Variants in UMPS observed in about 807,000 individuals in gnomAD.
UMPS encodes the protein uridine monophosphate synthetase, also known as uridine 5'-monophosphate synthase.
In UMPS, 21 loss-of-function variants were observed where a neutral mutation model predicts 38.9. The ratio of observed to expected loss-of-function variants is 0.54; its 90% CI spans 0.38 to 0.78. The LOEUF is 0.78. Ranked by LOEUF, UMPS falls within the 30% of genes least tolerant of loss-of-function variation. The pLI, the probability that UMPS is intolerant of heterozygous loss-of-function variation, is 0.00. For synonymous variants in UMPS, 208 were observed against 219.3 expected, an observed-to-expected ratio of 0.95 and a Z score of 0.45; for missense variants, 533 against 591.6, an observed-to-expected ratio of 0.90 and a Z score of 1.03.
rs760163155 is a variant in UMPS at position 124,748,057 on chromosome 3, A to G, written c.*3973A>G. On this transcript the variant is annotated 3_prime_UTR_variant, in exon 6 of 6. Transcript: ENST00000232607. The stretch of plus-strand genomic sequence containing the variant: ...AGAAAAATCAGGACTTGTTGGAGTT[A>G]TATTTTTAAAATATATATTTTAACA... The G allele has an allele frequency of 7.3e-6, 3 of 408,572 alleles. No homozygotes were observed. The highest frequency in any genetic ancestry group is 5.8e-5 in the South Asian group (3 of 52,144). 25.3% of individuals were successfully genotyped at this position (408,572 alleles called of 1,614,324 possible). A position where few individuals can be genotyped will look rare whatever the true frequency, so the allele number is the denominator to read the frequency against.
At position 124,737,815 on chromosome 3, in the gene UMPS, G is replaced by C; in HGVS notation, c.558G>C (p.Gln186His). 2 of 1,614,192 alleles carry C rather than the reference G, an allele frequency of 1.2e-6. No homozygotes were observed. Residue 186 changes from glutamine to histidine, a missense_variant, in exon 3 of 6, where the codon CAG (glutamine) becomes CAC (histidine). Coordinates refer to ENST00000232607, the MANE Select transcript of UMPS (RefSeq NM_000373.4). The part of the protein sequence containing the change: ...LSKMLEILEQ[Q>H]KKVDAETVGR... ...AAATGCTGGAGATTCTCGAGCAGCA[G>C]AAAAAAGTTGATGCTGAGACAGTTG...
chr3:124,738,487 T>G (rs530774972), intron 3 of UMPS: 3 of 479,658 alleles, frequency 6.3e-6, no homozygotes, highest in South Asian at 4.3e-5. Context: ...TCACTCTAGC[T>G]TGGGATGTAG....
intron 4 of UMPS, 21 bp downstream of exon 4, chr3:124,740,220 G>C (rs766566377): frequency 6.3e-7 from 1 of 1,594,166 alleles, no homozygotes; most frequent in South Asian, 1.1e-5. Flanking sequence ...GGGGGACTGG[G>C]TGAGAGGGGG....
rs541748073 is a variant in UMPS at position 124,735,131 on chromosome 3, C to T, written c.195C>T (p.Gly65=). Residue 65 remains glycine, a synonymous_variant, in exon 2 of 6, where the codon GGC becomes GGT. Coordinates refer to ENST00000232607, the MANE Select transcript of UMPS (RefSeq NM_000373.4). ...DILFQTAQNA[G]ISFDTVCGVP... is the part of the protein sequence containing the mutation. Reference sequence around the variant, plus strand: ...TATTCCAAACTGCCCAAAATGCAGGCATCAGTTTTGACACCGTGTGTGGAG... The same window carrying T: ...TATTCCAAACTGCCCAAAATGCAGGTATCAGTTTTGACACCGTGTGTGGAG... 5.0e-6 allele frequency: 8 copies of T among 1,613,880 alleles called. No homozygotes were observed. The highest frequency in any genetic ancestry group is 6.8e-6 in the Non-Finnish European group (8 of 1,179,918).
At chr3:124,731,761 G>A (rs2063479514) in intron 1 of UMPS, among the ~76,000 whole-genome samples, 1 of 152,008 alleles carries the variant, frequency 6.6e-6, no homozygotes, top group Non-Finnish European at 1.5e-5. Flanking sequence ...GCTGGGCATG[G>A]TGGTGCACAC....
chr3:124,731,621 A>G, intron 1 of UMPS: 1 of 262,704 alleles, frequency 3.8e-6, no homozygotes, highest in East Asian at 1.2e-4. Context: ...ACAGGGGCTC[A>G]TGCCTGTAGT....
chr3:124,741,159 C>G (rs991325225), intron 4 of UMPS, among the ~76,000 whole-genome samples: 1 of 152,164 alleles, frequency 6.6e-6, no homozygotes, highest in Non-Finnish European at 1.5e-5. Context: ...TCCCAAGTCT[C>G]AAAATCACAG....
chr3:124,735,712 C>A lies in UMPS; in HGVS notation c.310+466C>A, dbSNP rs563088546. Among the ~76,000 whole-genome samples, 3 of 152,340 alleles carry A rather than the reference C, an allele frequency of 2.0e-5. No individual in the cohort carries two copies. In the East Asian group the frequency reaches 5.8e-4, roughly 29 times the overall value. ...GAAAATTTGTCCAGGCACCATGGCT[C>A]ACGCCTGTAATCCCAGCACTTTTGG... On this transcript the variant is annotated intron_variant, in intron 2 of 5. Transcript: ENST00000232607.
At chr3:124,740,369 T>C (rs1365358841) in intron 4 of UMPS, among the ~76,000 whole-genome samples, 170 bp downstream of exon 4, 1 of 152,226 alleles carries the variant, frequency 6.6e-6, no homozygotes, top group African/African-American at 2.4e-5. Context: ...TGATAGTTAA[T>C]AGCATTTTAT....
Position 124,732,732 on chromosome 3 carries a change from TA to T in UMPS, c.156+2107del, listed in dbSNP as rs367964828. ...GACATATAAGTTTCCTCAGCCCACT[TA>T]AGGGTTTATGTTCACTAGGGACCAC... is the stretch of plus-strand genomic sequence containing the variant. On this transcript the variant is annotated intron_variant, in intron 1 of 5. Transcript: ENST00000232607. Among the ~76,000 whole-genome samples, 10 of 152,316 alleles carry T rather than the reference TA, an allele frequency of 6.6e-5. No individual in the cohort carries two copies. The East Asian group carries it at 1.9e-3, about 29-fold the overall frequency.
At chr3:124,737,317 T>G in intron 2 of UMPS, 1 of 460,140 alleles carries the variant, frequency 2.2e-6, no homozygotes. Context: ...TTAAGCAGTG[T>G]TTATAATGTG....
At chr3:124,731,345 AC>A (rs2063475024) in intron 1 of UMPS, among the ~76,000 whole-genome samples, 1 of 152,236 alleles carries the variant, frequency 6.6e-6, no homozygotes, top group Non-Finnish European at 1.5e-5. Flanking sequence ...AGAGACTTCA[AC>A]CATACTCCCC....
chr3:124,744,555 T>C lies in UMPS; in HGVS notation c.*471T>C. ...TCCAGATTAGCTGGTGCTATAGGCA[T>C]GCACCACCACGTCCATCTAAATTTC... On this transcript the variant is annotated 3_prime_UTR_variant, in exon 6 of 6. Coordinates refer to ENST00000232607, the MANE Select transcript of UMPS (RefSeq NM_000373.4). 2.2e-6 allele frequency: 1 copy of C among 454,042 alleles called. No homozygotes were observed. The highest frequency in any genetic ancestry group is 1.6e-5 in the South Asian group (1 of 64,466). 28.1% of individuals were successfully genotyped at this position (454,042 alleles called of 1,614,324 possible).
In UMPS at chr3:124,738,155, ACT is replaced by A. The variant is rs992867962; in HGVS notation, c.901_902del (p.Leu301GlyfsTer5). ...FTLDVMKELI[T>X]LAKCHEFLIF... ...TCTGGATGTGATGAAGGAGTTGATA[ACT>A]CTGGCAAAATGCCATGAGTTCTTGA... On this transcript the variant is annotated frameshift_variant, in exon 3 of 6. Transcript: ENST00000232607. LOFTEE classifies it high-confidence loss of function. The A allele has an allele frequency of 3.7e-6, 6 of 1,614,200 alleles. No homozygotes were observed. Among genetic ancestry groups the A allele is most frequent in the Non-Finnish European group, 5.1e-6 (6 of 1,180,044 alleles).
intron 1 of UMPS, chr3:124,732,448 T>G (rs1184536528): frequency 1.9e-5 from 3 of 154,838 alleles, no homozygotes; most frequent in African/African-American, 2.4e-5. Flanking sequence ...GGGAATTTTG[T>G]TAAAATGCAG....
intron 2 of UMPS, 112 bp from the exon 3 acceptor site, chr3:124,737,456 A>G: frequency 1.0e-6 from 1 of 979,366 alleles, no homozygotes; most frequent in Non-Finnish European, 1.6e-6. Context: ...ATTGGTATAC[A>G]CATATACTGT....
chr3:124,741,273 A>T (rs935551793), intron 4 of UMPS, among the ~76,000 whole-genome samples: 13 of 152,158 alleles, frequency 8.5e-5, no homozygotes, highest in African/African-American at 2.9e-4. Flanking sequence ...GGCAAGAATG[A>T]ATGTATCAAT....
intron 1 of UMPS, among the ~76,000 whole-genome samples, chr3:124,731,017 C>A (rs1285980469): frequency 3.3e-5 from 5 of 152,064 alleles, no homozygotes; most frequent in Non-Finnish European, 5.9e-5. Flanking sequence ...TCACCTGAGC[C>A]CCAGGAGTTC....
intron 1 of UMPS, 54 bp from the exon 2 acceptor site, chr3:124,735,034 TATAAA>T (rs1199442300): frequency 3.6e-5 from 53 of 1,464,864 alleles, no homozygotes; most frequent in East Asian, 3.5e-4. Context: ...AAATAAAAAA[TATAAA>T]ATAAAATAAA....
Sources: gnomAD v4.1 joint callset for allele counts (sites outside exome capture counted in the v4.1 genomes callset) on GRCh38, gnomAD v4.1.1 for gene constraint, MANE v1.5 for transcripts, NCBI Gene and HGNC (gene_info 2026-07-23, HGNC 2026-07-21) for gene names.